The following ASIC2 variants were observed in gnomAD, a reference collection of about 807,000 sequenced individuals.
ASIC2 encodes the protein acid sensing ion channel subunit 2.
A neutral mutation model predicts 57.3 loss-of-function variants in ASIC2; 25 were observed. The ratio of observed to expected loss-of-function variants is 0.44; its 90% confidence interval spans 0.32 to 0.61. The LOEUF is 0.61. Ranked by LOEUF, ASIC2 falls within the 20% of genes least tolerant of loss-of-function variation. The pLI is 0.06. For synonymous variants in ASIC2, 319 were observed against 307.5 expected, an observed-to-expected ratio of 1.04 and a Z score of -0.39; for missense variants, 641 against 738.1, an observed-to-expected ratio of 0.87 and a Z score of 1.52.
intron 1 of ASIC2, among the ~76,000 whole-genome samples, chr17:33,212,529 G>A (rs949426637): frequency 6.6e-6 from 1 of 152,218 alleles, no homozygotes; most frequent in Non-Finnish European, 1.5e-5. Flanking sequence ...AACTGTAAGA[G>A]AATAAGTTTC....
intron 1 of ASIC2, among the ~76,000 whole-genome samples, chr17:33,569,638 C>T (rs112094628): frequency 0.011 from 1,747 of 152,144 alleles, 18 homozygotes; most frequent in Middle Eastern, 0.051. Flanking sequence ...CATGCACACA[C>T]CCAGCTATTT....
At chr17:33,522,606 G>A (rs1416970863) in intron 1 of ASIC2, among the ~76,000 whole-genome samples, 1 of 152,206 alleles carries the variant, frequency 6.6e-6, no homozygotes, top group African/African-American at 2.4e-5. Context: ...TAAGTGAGAG[G>A]ACGCAGTAAA....
At position 33,721,561 on chromosome 17, in the gene ASIC2, C is replaced by G. The variant is rs140619868; in HGVS notation, c.555+434417G>C. On this transcript the variant is annotated intron_variant, in intron 1 of 9. Transcript: ENST00000359872. Reference sequence around the variant, plus strand: ...TGAGTAATTACAATGAACAGAACTCCCCTTCCAGCCCACATTAGACAAAGA... The same window carrying G: ...TGAGTAATTACAATGAACAGAACTCGCCTTCCAGCCCACATTAGACAAAGA... Among the ~76,000 whole-genome samples, 98 of 152,288 alleles carry G rather than the reference C, an allele frequency of 6.4e-4. No homozygotes were observed. In the East Asian group the frequency reaches 0.018, roughly 28 times the overall value.
At chr17:33,994,387 G>C (rs931502585) in intron 1 of ASIC2, among the ~76,000 whole-genome samples, 2 of 152,134 alleles carry the variant, frequency 1.3e-5, no homozygotes, top group African/African-American at 4.8e-5. Context: ...GTGTCACTTG[G>C]ACATGACCAA....
At chr17:33,187,583 T>C (rs1377761670) in intron 1 of ASIC2, among the ~76,000 whole-genome samples, 5 of 152,152 alleles carry the variant, frequency 3.3e-5, no homozygotes, top group African/African-American at 1.2e-4. Flanking sequence ...CTGCACCTAA[T>C]AGAATGTATG....
At chr17:33,610,635 G>A (rs1365241733) in intron 1 of ASIC2, among the ~76,000 whole-genome samples, 1 of 151,984 alleles carries the variant, frequency 6.6e-6, no homozygotes, top group Admixed American at 6.6e-5. Context: ...AGGCCAAAGT[G>A]GGAGGATCAG....
intron 1 of ASIC2, among the ~76,000 whole-genome samples, chr17:33,234,242 G>A (rs1407418131): frequency 6.6e-6 from 1 of 152,218 alleles, no homozygotes; most frequent in African/African-American, 2.4e-5. Context: ...CTTTTATGAG[G>A]TTCAGGGCAG....
chr17:33,576,641 G>A lies in ASIC2; in HGVS notation c.556-464574C>T, dbSNP rs577790727. On this transcript the variant is annotated intron_variant, in intron 1 of 9. Transcript: ENST00000359872. ...ACCTACCTCACAGGGCACCTGTGAA[G>A]GCCAAGTGAGCACTTAATAAGAACT... Among the ~76,000 whole-genome samples the A allele has an allele frequency of 9.8e-5, 15 of 152,312 alleles. 1 individual carries two copies. Among genetic ancestry groups the A allele is most frequent in the African/African-American group, 3.6e-4 (15 of 41,574 alleles).
At chr17:33,691,656 T>C (rs768022792) in intron 1 of ASIC2, among the ~76,000 whole-genome samples, 15 of 152,170 alleles carry the variant, frequency 9.9e-5, no homozygotes, top group Non-Finnish European at 1.6e-4. Context: ...TTTTTTCTGA[T>C]TTTAAAGCAT....
At chr17:34,148,976 T>C (rs1904397149) in intron 1 of ASIC2, among the ~76,000 whole-genome samples, 1 of 152,126 alleles carries the variant, frequency 6.6e-6, no homozygotes, top group Non-Finnish European at 1.5e-5. Context: ...GGCCTAGTAA[T>C]ACACACACAT....
intron 1 of ASIC2, among the ~76,000 whole-genome samples, chr17:33,952,470 G>T (rs66986623): frequency 0.015 from 2,339 of 152,186 alleles, 74 homozygotes; most frequent in African/African-American, 0.053. Flanking sequence ...GCTGTGAAGA[G>T]GAAAGAAGCT....
At chr17:33,242,561 A>T (rs895782757) in intron 1 of ASIC2, among the ~76,000 whole-genome samples, 11 of 152,182 alleles carry the variant, frequency 7.2e-5, no homozygotes, top group African/African-American at 2.7e-4. Context: ...ATTTAAACCC[A>T]GTCTGTGTGG....
At position 33,279,253 on chromosome 17, in the gene ASIC2, A is replaced by G. The variant is rs545500333; in HGVS notation, c.708+12155T>C. Among the ~76,000 whole-genome samples the G allele has an allele frequency of 5.9e-5, 9 of 152,226 alleles. No individual in the cohort carries two copies. In the East Asian group the frequency reaches 1.5e-3, roughly 26 times the overall value. ...GGCCTCTCCTCAGAGACAGCCTGCT[A>G]TCAGATCTCAGGCATCCTTCCAGGC... On this transcript the variant is annotated intron_variant, in intron 1 of 9. Coordinates refer to ENST00000225823, the MANE Select transcript of ASIC2 (RefSeq NM_183377.2).
At chr17:33,726,844 A>T (rs1909577117) in intron 1 of ASIC2, among the ~76,000 whole-genome samples, 2 of 152,216 alleles carry the variant, frequency 1.3e-5, no homozygotes, top group African/African-American at 4.8e-5. Context: ...TTCTGATCTG[A>T]TTATAGACAC....
intron 1 of ASIC2, among the ~76,000 whole-genome samples, chr17:33,667,376 C>T (rs1907509891): frequency 6.6e-6 from 1 of 152,190 alleles, no homozygotes. Flanking sequence ...AGCAGAAACA[C>T]CCACACAACG....
At chr17:33,962,529 T>C (rs1904957118) in intron 1 of ASIC2, among the ~76,000 whole-genome samples, 1 of 152,162 alleles carries the variant, frequency 6.6e-6, no homozygotes, top group South Asian at 2.1e-4. Context: ...CTGCACAACA[T>C]TTTCCATGGT....
chr17:33,662,668 T>TAAATAAATAAATAAATAAAA (rs530248877), intron 1 of ASIC2, among the ~76,000 whole-genome samples: 2 of 128,054 alleles, frequency 1.6e-5, no homozygotes, highest in Admixed American at 7.6e-5. Context: ...AATAAATAAA[T>TAAATAAATAAATAAATAAAA]AAGTAAAATA....
Position 33,184,661 on chromosome 17 carries a change from C to T in ASIC2, c.709-72594G>A, listed in dbSNP as rs192808324. ...AGGTCCAGCCCCTCAACTCCACTTC[C>T]ATCCTTTGCTGCCCTATTTACACAT... On this transcript the variant is annotated intron_variant, in intron 1 of 9. Coordinates refer to ENST00000225823, the MANE Select transcript of ASIC2 (RefSeq NM_183377.2). Among the ~76,000 whole-genome samples, 8 of 152,296 alleles carry T rather than the reference C, an allele frequency of 5.3e-5. No homozygotes were observed. In the East Asian group the frequency reaches 1.5e-3, roughly 29 times the overall value.
At position 33,590,824 on chromosome 17, in the gene ASIC2, A is replaced by G. The variant is rs947164568; in HGVS notation, c.556-478757T>C. On this transcript the variant is annotated intron_variant, in intron 1 of 9. Coordinates refer to the ASIC2 transcript ENST00000359872. ...GAGTGTCCACAGGTCTGCATGGGAG[A>G]AAATTTCTAGAAATTCTGGAGCTGT... is the stretch of plus-strand genomic sequence containing the variant. Among the ~76,000 whole-genome samples, 5 of 152,306 alleles carry G rather than the reference A, an allele frequency of 3.3e-5. No homozygotes were observed. In the East Asian group the frequency reaches 9.6e-4, roughly 29 times the overall value.
Sources: gnomAD v4.1 joint callset for allele counts (sites outside exome capture counted in the v4.1 genomes callset) on GRCh38, gnomAD v4.1.1 for gene constraint, MANE v1.5 for transcripts, NCBI Gene and HGNC (gene_info 2026-07-23, HGNC 2026-07-21) for gene names.